Variants in ARPIN observed in about 807,000 individuals in gnomAD.
ARPIN encodes the protein actin related protein 2/3 complex inhibitor.
Under a neutral mutation model 25.9 loss-of-function variants are expected in ARPIN, and 23 were observed. The observed-to-expected ratio is 0.89, with a 90% CI of 0.64 to 1.26. The LOEUF (loss-of-function observed/expected upper bound fraction) is 1.26. Ranked by LOEUF, ARPIN falls within the 50% of genes most tolerant of loss-of-function variation. The probability of loss-of-function intolerance (pLI) is 0.00; values close to 1 mark genes in which losing one functional copy is unlikely to be tolerated. For missense variants in ARPIN, 333 were observed against 312.2 expected, an observed-to-expected ratio of 1.07 and a Z score of -0.50; for synonymous variants, 126 against 131.4, an observed-to-expected ratio of 0.96 and a Z score of 0.28.
At chr15:89,902,414 A>C (rs186738213) in intron 5 of ARPIN, among the ~76,000 whole-genome samples, 2,045 of 152,268 alleles carry the variant, frequency 0.013, 21 homozygotes, top group Non-Finnish European at 0.02. Context: ...GTCTCAAAAA[A>C]ATAAAATAAA....
intron 3 of ARPIN, among the ~76,000 whole-genome samples, chr15:89,907,267 C>T (rs181440408): frequency 3.6e-4 from 55 of 152,054 alleles, no homozygotes; most frequent in Non-Finnish European, 7.4e-4. Context: ...GGGGTTTCAC[C>T]ATGTTCGCCA....
chr15:89,908,302 C>T lies in ARPIN; in HGVS notation c.279G>A (p.Thr93=), dbSNP rs756786224. 18 of 1,614,010 alleles carry T rather than the reference C, an allele frequency of 1.1e-5. No individual in the cohort carries two copies. Among genetic ancestry groups the T allele is most frequent in the African/African-American group, 5.3e-5 (4 of 74,916 alleles). Residue 93 remains threonine, a synonymous_variant, in exon 3 of 6, where the codon ACG becomes ACA. Transcript: ENST00000357484. ...TACTGTAGGACGACATGAGGAAGCC[C>T]GTGTTCACCTTCCTGGTGGCGCTGA... ...PNFSATRKVN[T]GFLMSSYKVE...
At position 89,897,722 on chromosome 15, in the gene ARPIN, G is replaced by A. The variant is rs528154186; in HGVS notation, c.*4073C>T. ...CTAAAAATTATGAACATGACTGAGT[G>A]AAACTATGAGTCTTTTTTTCCCCTT... On this transcript the variant is annotated 3_prime_UTR_variant, in exon 6 of 6. Coordinates refer to ENST00000357484, the MANE Select transcript of ARPIN (RefSeq NM_182616.4). 5.3e-5 allele frequency: 8 copies of A among 152,282 alleles called. No individual in the cohort carries two copies. The highest frequency in any genetic ancestry group is 3.9e-4 in the Admixed American group (6 of 15,300). The allele number at this position is 152,282 out of a possible 1,614,324, so 9.4% of individuals were successfully genotyped here.
At chr15:89,907,597 G>A (rs945089001) in intron 3 of ARPIN, among the ~76,000 whole-genome samples, 86 of 152,118 alleles carry the variant, frequency 5.7e-4, no homozygotes, top group African/African-American at 2.0e-3. Context: ...TGAATCTGCT[G>A]GCACCCTGAC....
rs749419710 is a variant in ARPIN, at chr15:89,903,316, GTCTT to G, written c.568_571del (p.Lys190GlnfsTer50). On this transcript the variant is annotated frameshift_variant, in exon 5 of 6. Transcript: ENST00000357484. LOFTEE classifies it high-confidence loss of function. Reference sequence around the variant, plus strand: ...GATGTTGTCTGTCCAGGATGCCCCTGTCTTTCCATCACCAGTGAAATTACACTTG... The same window carrying G: ...GATGTTGTCTGTCCAGGATGCCCCTGTCCATCACCAGTGAAATTACACTTG... 5.0e-6 allele frequency: 8 copies of G among 1,614,198 alleles called. No individual in the cohort carries two copies. Among genetic ancestry groups the G allele is most frequent in the Non-Finnish European group, 5.9e-6 (7 of 1,180,038 alleles).
At chr15:89,908,084 AG>A (rs1335721140) in intron 3 of ARPIN, among the ~76,000 whole-genome samples, 195 bp downstream of exon 3, 1 of 152,088 alleles carries the variant, frequency 6.6e-6, no homozygotes, top group Non-Finnish European at 1.5e-5. Context: ...CCTGGAATGG[AG>A]GGGAGGGAAC....
intron 2 of ARPIN, among the ~76,000 whole-genome samples, chr15:89,910,301 A>T (rs1469123229): frequency 1.3e-5 from 2 of 152,152 alleles, no homozygotes; most frequent in African/African-American, 4.8e-5. Context: ...AAAAAGACAC[A>T]GGCTAGTACT....
At chr15:89,907,845 A>G (rs562674575) in intron 3 of ARPIN, among the ~76,000 whole-genome samples, 1 of 152,368 alleles carries the variant, frequency 6.6e-6, no homozygotes, top group East Asian at 1.9e-4. Context: ...TAAAAATAAA[A>G]TAAACAAACA....
In ARPIN at chr15:89,898,282, A is replaced by C. The variant is rs1896961359; in HGVS notation, c.*3513T>G. On this transcript the variant is annotated 3_prime_UTR_variant, in exon 6 of 6. Transcript: ENST00000357484. ...AAAAAAATTCAGATGGGTAGAGGAA[A>C]GGGACCTCCCTCCAAGAAAAGAGTC... 1 of 152,192 alleles carries C rather than the reference A, an allele frequency of 6.6e-6. No individual in the cohort carries two copies. Among genetic ancestry groups the C allele is most frequent in the Non-Finnish European group, 1.5e-5 (1 of 68,074 alleles). The allele number at this position is 152,192 out of a possible 1,614,324, so 9.4% of individuals were successfully genotyped here.
rs757284338 is a variant in ARPIN at position 89,899,407 on chromosome 15, A to C, written c.*2388T>G. 2 of 152,076 alleles carry C rather than the reference A, an allele frequency of 1.3e-5. No individual in the cohort carries two copies. The highest frequency in any genetic ancestry group is 2.9e-5 in the Non-Finnish European group (2 of 68,082). The allele number at this position is 152,076 out of a possible 1,614,324, so 9.4% of individuals were successfully genotyped here. ...GCCCTGGGGCCCTGTTCTTATCCTC[A>C]GCCCACTTGGTTTTCCCATCCCTAG... On this transcript the variant is annotated 3_prime_UTR_variant, in exon 6 of 6. Coordinates refer to ENST00000357484, the MANE Select transcript of ARPIN (RefSeq NM_182616.4).
In ARPIN at chr15:89,900,895, T is replaced by C. The variant is rs1226394464; in HGVS notation, c.*900A>G. On this transcript the variant is annotated 3_prime_UTR_variant, in exon 6 of 6. Coordinates refer to ENST00000357484, the MANE Select transcript of ARPIN (RefSeq NM_182616.4). ...GAATTCCTTTCTGAAGATTTACTCA[T>C]TCATAAAAAGTTCTCCAGGTACAAA... 1 of 88,562 alleles carries C rather than the reference T, an allele frequency of 1.1e-5. No individual in the cohort carries two copies. Among genetic ancestry groups the C allele is most frequent in the Non-Finnish European group, 2.7e-5 (1 of 37,282 alleles). 5.5% of individuals were successfully genotyped at this position (88,562 alleles called of 1,614,324 possible).
At position 89,901,516 on chromosome 15, in the gene ARPIN, A is replaced by AT. The variant is rs376815444; in HGVS notation, c.*278dup. 1.3e-3 allele frequency: 629 copies of AT among 466,404 alleles called. 1 individual carries two copies. Among genetic ancestry groups the AT allele is most frequent in the South Asian group, 1.6e-3 (59 of 36,998 alleles). 28.9% of individuals were successfully genotyped at this position (466,404 alleles called of 1,614,324 possible). On this transcript the variant is annotated 3_prime_UTR_variant, in exon 6 of 6. Coordinates refer to ENST00000357484, the MANE Select transcript of ARPIN (RefSeq NM_182616.4). ...CAACATAGTGAGACCTCCATCTCTA[A>AT]TTTTTTTTTAAAGGGTCATCATGTA... is the stretch of plus-strand genomic sequence containing the variant.
rs1196632725 is a variant in ARPIN, at chr15:89,903,902, A to G, written c.383T>C (p.Leu128Pro). ...GLVNKPELLA[L>P]TESLTPDHTV... ...GTGGTCGGGGGTGAGGCTCTCTGTC[A>G]GCGCGAGCAGCTCTGGCTTGTTGAC... The change falls in exon 4 of 6, where the codon CTG (leucine) becomes CCG (proline). Residue 128 changes from leucine (L) to proline (P), a missense_variant. By Grantham distance (98) the Leu-to-Pro change is moderately conservative. Transcript: ENST00000357484. The G allele has an allele frequency of 6.2e-7, 1 of 1,613,752 alleles. No homozygotes were observed. Among genetic ancestry groups the G allele is most frequent in the East Asian group, 2.2e-5 (1 of 44,884 alleles).
At position 89,903,899 on chromosome 15, in the gene ARPIN, G is replaced by T; in HGVS notation, c.386C>A (p.Thr129Lys). Residue 129 changes from threonine (T) to lysine (K), a missense_variant, in exon 4 of 6, where the codon ACA becomes AAA. Coordinates refer to ENST00000357484, the MANE Select transcript of ARPIN (RefSeq NM_182616.4). ...TGTGTGGTCGGGGGTGAGGCTCTCTGTCAGCGCGAGCAGCTCTGGCTTGTT... is the reference window on the plus strand; with the variant it reads ...TGTGTGGTCGGGGGTGAGGCTCTCTTTCAGCGCGAGCAGCTCTGGCTTGTT... ...LVNKPELLALTESLTPDHTVA... is the reference protein window; with the variant it reads ...LVNKPELLALKESLTPDHTVA... 1 of 1,613,826 alleles carries T rather than the reference G, an allele frequency of 6.2e-7. No individual in the cohort carries two copies. The highest frequency in any genetic ancestry group is 8.5e-7 in the Non-Finnish European group (1 of 1,180,044).
In ARPIN at chr15:89,895,880, TTTG is replaced by T. The variant is rs1896923002; in HGVS notation, c.*5912_*5914del. The T allele has an allele frequency of 2.3e-5, 1 of 44,036 alleles. No individual in the cohort carries two copies. Among genetic ancestry groups the T allele is most frequent in the South Asian group, 4.9e-4 (1 of 2,058 alleles). The allele number at this position is 44,036 out of a possible 1,614,324, so 2.7% of individuals were successfully genotyped here. A position where few individuals can be genotyped will look rare whatever the true frequency, so the allele number is the denominator to read the frequency against. Reference sequence around the variant, plus strand: ...ACCGCCACCACGCCTAGTCCAGTTTTTTGTTTGTTTGTTTGTTTGTTTGTTTGA... The same window carrying T: ...ACCGCCACCACGCCTAGTCCAGTTTTTTTGTTTGTTTGTTTGTTTGTTTGA... On this transcript the variant is annotated 3_prime_UTR_variant, in exon 6 of 6. Coordinates refer to ENST00000357484, the MANE Select transcript of ARPIN (RefSeq NM_182616.4).
At chr15:89,910,636 A>C in intron 2 of ARPIN, 108 bp downstream of exon 2, 1 of 1,403,110 alleles carries the variant, frequency 7.1e-7, no homozygotes, top group Non-Finnish European at 9.9e-7. Context: ...TAAGCCCATC[A>C]AGAATCCCAA....
rs372782256 is a variant in ARPIN, at chr15:89,910,801, C to G, written c.111G>C (p.Leu37=). ...GAGATACATCGATCAGTTCTCCCTC[C>G]AGCAGGACACCATTTCCCCTGGGGA... The part of the protein sequence containing the change: ...AAHQGGNGVL[L]EGELIDVSRH... The change falls in exon 2 of 6, where the codon CTG becomes CTC. Residue 37 remains leucine (L), a synonymous_variant. Coordinates refer to ENST00000357484, the MANE Select transcript of ARPIN (RefSeq NM_182616.4). The G allele has an allele frequency of 6.8e-5, 110 of 1,614,058 alleles. No individual in the cohort carries two copies. The highest frequency in any genetic ancestry group is 8.4e-5 in the Non-Finnish European group (99 of 1,180,016).
chr15:89,912,282 T>C, intron 1 of ARPIN: 1 of 994,478 alleles, frequency 1.0e-6, no homozygotes, highest in South Asian at 4.6e-5. Context: ...CGACAGGGCC[T>C]GGCCCTCCAA....
At chr15:89,902,964 C>T (rs1432069039) in intron 5 of ARPIN, 3 of 1,419,886 alleles carry the variant, frequency 2.1e-6, no homozygotes, top group Admixed American at 2.9e-5. Context: ...TGCACCCCCT[C>T]CTTCCTACCA....
Sources: allele counts gnomAD v4.1 joint callset (sites outside exome capture counted in the v4.1 genomes callset), GRCh38; gene constraint gnomAD v4.1.1; transcripts MANE v1.5; gene names NCBI Gene and HGNC (gene_info 2026-07-23, HGNC 2026-07-21).